The following CAMK1D variants were observed in gnomAD, a reference collection of about 807,000 sequenced individuals.
CAMK1D encodes calcium/calmodulin dependent protein kinase ID, also known as calcium/calmodulin-dependent protein kinase type 1D.
Under a neutral mutation model 47.7 loss-of-function variants are expected in CAMK1D, and 9 were observed. The ratio of observed to expected loss-of-function variants is 0.19; its 90% CI spans 0.11 to 0.33. The LOEUF is 0.33. CAMK1D is among the 10% of genes least tolerant of loss of function. The pLI, the probability that CAMK1D is intolerant of heterozygous loss-of-function variation, is 1.00. For missense variants in CAMK1D, 291 were observed against 488.7 expected, an observed-to-expected ratio of 0.60 and a Z score of 3.81; for synonymous variants, 184 against 184.9, an observed-to-expected ratio of 0.99 and a Z score of 0.04.
chr10:12,618,930 A>G (rs1197152417), intron 2 of CAMK1D, among the ~76,000 whole-genome samples: 1 of 152,214 alleles, frequency 6.6e-6, no homozygotes, highest in African/African-American at 2.4e-5. Flanking sequence ...GGCTAAGTAA[A>G]TTGCCTAAGC....
intron 2 of CAMK1D, among the ~76,000 whole-genome samples, chr10:12,666,273 A>G (rs1460863967): frequency 1.3e-5 from 2 of 152,048 alleles, no homozygotes; most frequent in Non-Finnish European, 2.9e-5. Flanking sequence ...TCCCTGGAAC[A>G]TATATATTCT....
intron 1 of CAMK1D, among the ~76,000 whole-genome samples, chr10:12,550,793 G>GC (rs1455900708): frequency 6.6e-6 from 1 of 152,184 alleles, no homozygotes; most frequent in Non-Finnish European, 1.5e-5. Flanking sequence ...ACTATGTTCT[G>GC]CCCCCTGGGC....
At chr10:12,812,265 CTG>C (rs1347793365) in intron 6 of CAMK1D, among the ~76,000 whole-genome samples, 1 of 152,216 alleles carries the variant, frequency 6.6e-6, no homozygotes, top group Non-Finnish European at 1.5e-5. Context: ...TAGGCTGTGG[CTG>C]TGTGTTGAAC....
intron 3 of CAMK1D, among the ~76,000 whole-genome samples, chr10:12,744,488 C>A (rs1222775118): frequency 6.6e-6 from 1 of 152,190 alleles, no homozygotes; most frequent in Non-Finnish European, 1.5e-5. Context: ...ATTGCCAACA[C>A]TCATTATTTT....
intron 1 of CAMK1D, among the ~76,000 whole-genome samples, chr10:12,427,700 G>GTTTTTGTTTTTTTTTTTTTTTT (rs1840284035): frequency 3.2e-5 from 1 of 31,030 alleles, no homozygotes; most frequent in Non-Finnish European, 6.2e-5. Context: ...TGAACTTACT[G>GTTTTTGTTTTTTTTTTTTTTTT]TTTTTTTTTT....
chr10:12,466,436 T>A (rs1230761701), intron 1 of CAMK1D, among the ~76,000 whole-genome samples: 2 of 151,638 alleles, frequency 1.3e-5, no homozygotes, highest in Non-Finnish European at 2.9e-5. Context: ...TTTTTAAAAT[T>A]TAGCTGGGAG....
At chr10:12,379,247 G>A (rs1007524109) in intron 1 of CAMK1D, among the ~76,000 whole-genome samples, 1 of 152,304 alleles carries the variant, frequency 6.6e-6, no homozygotes, top group East Asian at 1.9e-4. Context: ...GTCTCTGGAC[G>A]AATATAACGC....
At chr10:12,588,864 A>ATATGTG (rs1554793230) in intron 2 of CAMK1D, among the ~76,000 whole-genome samples, 2 of 104,842 alleles carry the variant, frequency 1.9e-5, no homozygotes, top group Non-Finnish European at 3.9e-5. Context: ...GTATATGTAT[A>ATATGTG]TATGTGTGTG....
rs1453528414 is a variant in CAMK1D, at chr10:12,471,555, T to C, written c.93-81670T>C. On this transcript the variant is annotated intron_variant, in intron 1 of 10. Coordinates refer to ENST00000619168, the MANE Select transcript of CAMK1D (RefSeq NM_153498.4). ...GGAGCTATCCAGGTTGACAGGGTAT[T>C]GGCCAAGGGCCTTTCAGCTCATTCC... 2.0e-5 allele frequency among the ~76,000 whole-genome samples: 3 copies of C among 152,358 alleles called. No homozygotes were observed. In the East Asian group the frequency reaches 5.8e-4, roughly 29 times the overall value.
chr10:12,599,175 G>A (rs118156983), intron 2 of CAMK1D, among the ~76,000 whole-genome samples: 4,077 of 152,220 alleles, frequency 0.027, 80 homozygotes, highest in Non-Finnish European at 0.042. Context: ...TCTTTTTGGG[G>A]GTTACTTGGA....
At chr10:12,521,052 A>G (rs990936586) in intron 1 of CAMK1D, among the ~76,000 whole-genome samples, 1 of 151,532 alleles carries the variant, frequency 6.6e-6, no homozygotes, top group South Asian at 2.1e-4. Context: ...AGTTTTCTAT[A>G]TCTTTTAAAA....
chr10:12,567,800 G>C (rs1480523939), intron 2 of CAMK1D, among the ~76,000 whole-genome samples: 2 of 152,168 alleles, frequency 1.3e-5, no homozygotes, highest in South Asian at 4.2e-4. Context: ...GTACAGCAAC[G>C]GGGTGGGCAG....
intron 1 of CAMK1D, among the ~76,000 whole-genome samples, chr10:12,453,082 G>C (rs975977790): frequency 6.6e-6 from 1 of 151,980 alleles, no homozygotes; most frequent in Admixed American, 6.6e-5. Context: ...TAGGGGCCTT[G>C]TTGAAGTGGA....
chr10:12,660,543 T>C (rs1264137365), intron 2 of CAMK1D, among the ~76,000 whole-genome samples: 3 of 152,192 alleles, frequency 2.0e-5, no homozygotes, highest in African/African-American at 7.2e-5. Flanking sequence ...TGGCTGTCAG[T>C]TACTATATGG....
intron 1 of CAMK1D, among the ~76,000 whole-genome samples, chr10:12,398,689 A>C (rs1839061889): frequency 6.6e-6 from 1 of 152,178 alleles, no homozygotes; most frequent in African/African-American, 2.4e-5. Context: ...ATGATTCTAC[A>C]TTTGAACAAA....
chr10:12,526,897 C>CAAAAAAAAAAAAAA (rs202209844), intron 1 of CAMK1D, among the ~76,000 whole-genome samples: 1 of 129,830 alleles, frequency 7.7e-6, no homozygotes, highest in Non-Finnish European at 1.6e-5. Flanking sequence ...AACCCTATCT[C>CAAAAAAAAAAAAAA]AAAAAAAAAA....
intron 2 of CAMK1D, among the ~76,000 whole-genome samples, chr10:12,613,283 A>G (rs552630598): frequency 2.0e-5 from 3 of 152,236 alleles, no homozygotes; most frequent in South Asian, 2.1e-4. Flanking sequence ...ATGGCTCCCT[A>G]TAACGGGCAG....
intron 3 of CAMK1D, among the ~76,000 whole-genome samples, chr10:12,676,065 G>A (rs961020603): frequency 6.6e-6 from 1 of 152,138 alleles, no homozygotes; most frequent in Non-Finnish European, 1.5e-5. Context: ...CGATTCTCCT[G>A]TCTCAGCCTC....
chr10:12,701,215 C>T (rs921003340), intron 3 of CAMK1D, among the ~76,000 whole-genome samples: 4 of 151,766 alleles, frequency 2.6e-5, no homozygotes, highest in Non-Finnish European at 4.4e-5. Flanking sequence ...GGGGTTCAAG[C>T]GATTCTTCTG....
Sources: gnomAD v4.1 joint callset for allele counts (sites outside exome capture counted in the v4.1 genomes callset) on GRCh38, gnomAD v4.1.1 for gene constraint, MANE v1.5 for transcripts, NCBI Gene and HGNC (gene_info 2026-07-23, HGNC 2026-07-21) for gene names.